The following MCCC1 variants were observed in gnomAD, a reference collection of about 807,000 sequenced individuals.
MCCC1 encodes methylcrotonyl-CoA carboxylase subunit 1, also known as methylcrotonoyl-CoA carboxylase subunit alpha, mitochondrial.
In MCCC1, 64 loss-of-function variants were observed where a neutral mutation model predicts 83.8. The ratio of observed to expected loss-of-function variants is 0.76; its 90% confidence interval spans 0.62 to 0.94. MCCC1 has a LOEUF of 0.94. Ranked by LOEUF, MCCC1 falls within the 40% of genes least tolerant of loss-of-function variation. The pLI, the probability that MCCC1 is intolerant of heterozygous loss-of-function variation, is 0.00. For missense variants in MCCC1, 807 were observed against 904.7 expected, an observed-to-expected ratio of 0.89 and a Z score of 1.39; for synonymous variants, 322 against 315.4, an observed-to-expected ratio of 1.02 and a Z score of -0.22.
intron 1 of MCCC1, 98 bp from the exon 2 acceptor site, chr3:183,094,703 G>A: frequency 8.2e-7 from 1 of 1,213,550 alleles, no homozygotes; most frequent in Non-Finnish European, 1.2e-6. Flanking sequence ...GAAACCTTAA[G>A]CCAACTAACA....
At position 183,041,602 on chromosome 3, in the gene MCCC1, T is replaced by C. The variant is rs376900607; in HGVS notation, c.1232A>G (p.Asp411Gly). 1.8e-5 allele frequency: 29 copies of C among 1,614,004 alleles called. No homozygotes were observed. The highest frequency in any genetic ancestry group is 2.3e-5 in the Non-Finnish European group (27 of 1,179,986). Residue 411 changes from aspartate to glycine, a missense_variant, in exon 11 of 19, where the codon GAC (aspartate) becomes GGC (glycine). Asp to Gly is a moderately conservative substitution (Grantham distance 94, BLOSUM62 -1). Coordinates refer to ENST00000265594, the MANE Select transcript of MCCC1 (RefSeq NM_020166.5). ...PLVHLSTPRA[D>G]PSTRIETGVR... ...TCCAGTTTCAATCCTGGTGGAAGGG[T>C]CTGCTCGAGGAGTAGAGAGGTGCAC...
chr3:183,083,210 A>G (rs930367771), intron 4 of MCCC1, among the ~76,000 whole-genome samples: 6 of 152,210 alleles, frequency 3.9e-5, no homozygotes, highest in African/African-American at 1.4e-4. Flanking sequence ...TAGATGGCCA[A>G]TAAGTTTCTT....
At chr3:183,028,787 C>T (rs1329566171) in intron 14 of MCCC1, among the ~76,000 whole-genome samples, 2 of 152,156 alleles carry the variant, frequency 1.3e-5, no homozygotes, top group African/African-American at 4.8e-5. Flanking sequence ...AAGGAAGAGT[C>T]AGCAGATGCA....
chr3:183,025,309 C>T (rs79749673), intron 15 of MCCC1, among the ~76,000 whole-genome samples: 3,314 of 152,152 alleles, frequency 0.022, 122 homozygotes, highest in African/African-American at 0.076. Flanking sequence ...TGTATTTCAC[C>T]ACAATTAAAA....
upstream of MCCC1, among the ~76,000 whole-genome samples, chr3:183,100,871 C>G (rs1719208231): frequency 6.6e-6 from 1 of 152,380 alleles, no homozygotes; most frequent in Non-Finnish European, 1.5e-5. Flanking sequence ...GGAGCCCACT[C>G]CCTCAGCTTG....
Position 183,092,500 on chromosome 3 carries a change from G to T in MCCC1, c.182C>A (p.Ala61Asp). The stretch of plus-strand genomic sequence containing the variant: ...TTTGGCTGTGCGCATCACCCTGCAG[G>T]CAATTTCTCCTCTGTTTGCAATGAG... ...KVLIANRGEI[A>D]CRVMRTAKKL... Residue 61 changes from alanine to aspartate, a missense_variant, in exon 3 of 19, where the codon GCC becomes GAC. Transcript: ENST00000265594. 6.2e-7 allele frequency: 1 copy of T among 1,614,132 alleles called. No individual in the cohort carries two copies. Among genetic ancestry groups the T allele is most frequent in the East Asian group, 2.2e-5 (1 of 44,880 alleles).
intron 14 of MCCC1, among the ~76,000 whole-genome samples, chr3:183,032,793 G>A (rs774696476): frequency 9.3e-5 from 14 of 151,170 alleles, no homozygotes; most frequent in Admixed American, 2.0e-4. Flanking sequence ...AGAATGGCAC[G>A]AACCCAGGAG....
At chr3:183,087,229 C>T (rs1031464627) in intron 3 of MCCC1, among the ~76,000 whole-genome samples, 2 of 152,136 alleles carry the variant, frequency 1.3e-5, no homozygotes, top group Admixed American at 6.5e-5. Context: ...TATGATAATG[C>T]TTTCATACAT....
intron 4 of MCCC1, among the ~76,000 whole-genome samples, chr3:183,083,453 G>A (rs945376252): frequency 1.3e-5 from 2 of 151,998 alleles, no homozygotes; most frequent in Admixed American, 6.5e-5. Flanking sequence ...ATTTTTGCAA[G>A]CCACCCCAAA....
intron 7 of MCCC1, among the ~76,000 whole-genome samples, chr3:183,066,449 T>C (rs1248553011): frequency 6.6e-6 from 1 of 152,062 alleles, no homozygotes; most frequent in African/African-American, 2.4e-5. Context: ...GGATTACAGG[T>C]GCATGCCACC....
At chr3:183,102,520 T>TATATTC (rs1238351435), upstream of MCCC1, among the ~76,000 whole-genome samples, 2 of 152,162 alleles carry the variant, frequency 1.3e-5, no homozygotes, top group Admixed American at 6.5e-5. Flanking sequence ...GAGAAAAACT[T>TATATTC]ATATTCACAG....
At chr3:183,114,300 G>GC (rs1043112975) in intron 1 of MCCC1, among the ~76,000 whole-genome samples, 6 of 150,324 alleles carry the variant, frequency 4.0e-5, no homozygotes, top group African/African-American at 1.2e-4. Context: ...TAGACCCCCC[G>GC]CCCCCCTTCC....
At chr3:183,015,782 C>G (rs1711562248) in intron 18 of MCCC1, among the ~76,000 whole-genome samples, 1 of 152,124 alleles carries the variant, frequency 6.6e-6, no homozygotes. Context: ...GGAATGAACA[C>G]TGGGACACAG....
chr3:183,102,747 GAGCAGAGAA>G (rs1445032234), upstream of MCCC1, among the ~76,000 whole-genome samples: 1 of 121,404 alleles, frequency 8.2e-6, no homozygotes, highest in East Asian at 2.9e-4. Context: ...GGAGGTCTTA[GAGCAGAGAA>G]AGTTTTTTTT....
intron 3 of MCCC1, among the ~76,000 whole-genome samples, chr3:183,089,652 G>A (rs1718170571): frequency 6.6e-6 from 1 of 152,048 alleles, no homozygotes; most frequent in Non-Finnish European, 1.5e-5. Flanking sequence ...TAAGTTATAG[G>A]TGGGAGGGGG....
At chr3:183,109,011 A>G (rs1165451954) in intron 1 of MCCC1, among the ~76,000 whole-genome samples, 1 of 151,950 alleles carries the variant, frequency 6.6e-6, no homozygotes, top group African/African-American at 2.4e-5. Context: ...TGTTTTTGAG[A>G]TGGAGTTTTC....
chr3:183,076,776 A>G (rs1717108281), intron 4 of MCCC1, among the ~76,000 whole-genome samples: 1 of 152,172 alleles, frequency 6.6e-6, no homozygotes, highest in Non-Finnish European at 1.5e-5. Context: ...CAACCCAATG[A>G]TTTTTAGTAT....
rs554152022 is a variant in MCCC1, at chr3:183,020,616, G to C, written c.1870-379C>G. Among the ~76,000 whole-genome samples, 139 of 151,958 alleles carry C rather than the reference G, an allele frequency of 9.1e-4. 2 individuals are homozygous for C. The highest frequency in any genetic ancestry group is 3.2e-3 in the African/African-American group (132 of 41,414). Reference sequence around the variant, plus strand: ...ACTGCACTCCAGCCTGGGTGACAGAGTGAGACTCTGACTCAAAAAAAAAAA... The same window carrying C: ...ACTGCACTCCAGCCTGGGTGACAGACTGAGACTCTGACTCAAAAAAAAAAA... On this transcript the variant is annotated intron_variant, in intron 16 of 18. Coordinates refer to ENST00000265594, the MANE Select transcript of MCCC1 (RefSeq NM_020166.5).
intron 7 of MCCC1, among the ~76,000 whole-genome samples, chr3:183,067,554 T>C (rs1343855894): frequency 6.6e-6 from 1 of 152,262 alleles, no homozygotes; most frequent in Non-Finnish European, 1.5e-5. Context: ...ACATTTGTTA[T>C]TAAATTTTGG....
Sources: gnomAD v4.1 joint callset for allele counts (sites outside exome capture counted in the v4.1 genomes callset) on GRCh38, gnomAD v4.1.1 for gene constraint, MANE v1.5 for transcripts, NCBI Gene and HGNC (gene_info 2026-07-23, HGNC 2026-07-21) for gene names.